Variants in ANKRD30B observed in about 807,000 individuals in gnomAD.
The protein encoded by ANKRD30B is ankyrin repeat domain 30B.
A neutral mutation model predicts 202.2 loss-of-function variants in ANKRD30B; 144 were observed. The observed-to-expected ratio is 0.71, with a 90% CI of 0.62 to 0.82. The LOEUF (loss-of-function observed/expected upper bound fraction) is 0.82. ANKRD30B is among the 40% of genes least tolerant of loss of function. The pLI is 0.00. For synonymous variants in ANKRD30B, 508 were observed against 561.3 expected, an observed-to-expected ratio of 0.91 and a Z score of 1.34; for missense variants, 1,487 against 1,669.1, an observed-to-expected ratio of 0.89 and a Z score of 1.90.
chr18:14,934,848 CA>C, the ANKRD30B span, among the ~76,000 whole-genome samples: 1 of 151,758 alleles, frequency 6.6e-6, no homozygotes, highest in Non-Finnish European at 1.5e-5. Flanking sequence ...CATGCGGCTG[CA>C]GGGGCTGCAG....
At position 14,807,170 on chromosome 18, in the gene ANKRD30B, C is replaced by T. The variant is rs546113302; in HGVS notation, c.2285-1381C>T. On this transcript the variant is annotated intron_variant, in intron 24 of 43. Coordinates refer to ENST00000690538, the MANE Select transcript of ANKRD30B (RefSeq NM_001367607.2). The stretch of plus-strand genomic sequence containing the variant: ...CAAAGGAAACAACATATATACTTGA[C>T]ATGTCTAAATATATTAAAGTGTGTC... 2.4e-3 allele frequency among the ~76,000 whole-genome samples: 359 copies of T among 150,848 alleles called. 21 individuals are homozygous for T. The highest frequency in any genetic ancestry group is 8.5e-3 in the East Asian group (44 of 5,158).
At chr18:14,761,052 A>G (rs780331391) in intron 6 of ANKRD30B, among the ~76,000 whole-genome samples, 7 of 152,194 alleles carry the variant, frequency 4.6e-5, no homozygotes, top group Admixed American at 6.6e-5. Context: ...ACTTTAATGA[A>G]TTAATATATT....
In ANKRD30B at chr18:14,804,586, T is replaced by G. The variant is rs200902903; in HGVS notation, c.2284+762T>G. On this transcript the variant is annotated intron_variant, in intron 24 of 43. Coordinates refer to ENST00000690538, the MANE Select transcript of ANKRD30B (RefSeq NM_001367607.2). ...TTGGACCTTGCTCTGAGTAGCAAGA[T>G]GAGAGACCTTTGTGGGAAAAAATGT... Among the ~76,000 whole-genome samples, 30 of 150,766 alleles carry G rather than the reference T, an allele frequency of 2.0e-4. 1 individual carries two copies. The East Asian group carries it at 5.1e-3, about 25-fold the overall frequency.
intron 26 of ANKRD30B, among the ~76,000 whole-genome samples, chr18:14,809,115 C>G (rs1443012676): frequency 7.2e-6 from 1 of 138,176 alleles, no homozygotes; most frequent in Admixed American, 7.5e-5. Context: ...CTAGATATAC[C>G]CGCATTTACT....
chr18:14,922,494 A>T, the ANKRD30B span, among the ~76,000 whole-genome samples: 1 of 152,046 alleles, frequency 6.6e-6, no homozygotes, highest in South Asian at 2.1e-4. Flanking sequence ...TCTCTACTAA[A>T]AATACAAAAA....
chr18:14,860,123 G>T, the ANKRD30B span, among the ~76,000 whole-genome samples: 1 of 148,142 alleles, frequency 6.8e-6, no homozygotes, highest in African/African-American at 2.5e-5. Flanking sequence ...AGATGGGGCG[G>T]CTGGGCAGAG....
intron 34 of ANKRD30B, among the ~76,000 whole-genome samples, chr18:14,831,738 A>C (rs1970951192): frequency 6.6e-6 from 1 of 152,210 alleles, no homozygotes; most frequent in African/African-American, 2.4e-5. Flanking sequence ...ACATAGTGAC[A>C]GGAACATTAT....
At chr18:14,791,884 AG>A (rs1342393476) in intron 16 of ANKRD30B, among the ~76,000 whole-genome samples, 2 of 152,210 alleles carry the variant, frequency 1.3e-5, no homozygotes, top group East Asian at 3.9e-4. Context: ...GGGCATGGTT[AG>A]AAATTTGGGA....
chr18:14,919,993 C>T, the ANKRD30B span, among the ~76,000 whole-genome samples: 62,348 of 152,024 alleles, frequency 0.41, 14,515 homozygotes, highest in East Asian at 0.58. Flanking sequence ...AACTGTGCCT[C>T]ATCCACAGGC....
chr18:14,834,600 A>G (rs535786476), intron 34 of ANKRD30B, among the ~76,000 whole-genome samples: 14 of 152,130 alleles, frequency 9.2e-5, no homozygotes, highest in African/African-American at 3.4e-4. Flanking sequence ...GATTTTAATA[A>G]AAAGCTGACA....
chr18:14,895,155 G>A, the ANKRD30B span, among the ~76,000 whole-genome samples: 1 of 147,814 alleles, frequency 6.8e-6, no homozygotes, highest in Non-Finnish European at 1.5e-5. Context: ...GTAGATGAGG[G>A]AAGGGTTGAA....
At chr18:14,841,829 G>C (rs2792543) in intron 37 of ANKRD30B, among the ~76,000 whole-genome samples, 3 of 152,146 alleles carry the variant, frequency 2.0e-5, no homozygotes, top group South Asian at 4.1e-4. Context: ...TACCGGAAGC[G>C]GGAGGATTAC....
At chr18:14,775,039 ATGGCATGAACC>A (rs1967267399) in intron 9 of ANKRD30B, among the ~76,000 whole-genome samples, 1 of 152,170 alleles carries the variant, frequency 6.6e-6, no homozygotes, top group Admixed American at 6.5e-5. Context: ...AGGCAGGAGA[ATGGCATGAACC>A]TGGGAGGTGG....
chr18:14,880,156 G>A, the ANKRD30B span, among the ~76,000 whole-genome samples: 2,032 of 152,102 alleles, frequency 0.013, 19 homozygotes, highest in African/African-American at 0.046. Flanking sequence ...CCCACTTTAC[G>A]TTTTTGTTTA....
chr18:14,848,834 T>C lies in ANKRD30B; in HGVS notation c.3300T>C (p.Phe1100=). 6.3e-6 allele frequency: 10 copies of C among 1,590,880 alleles called. No homozygotes were observed. The highest frequency in any genetic ancestry group is 7.7e-6 in the Non-Finnish European group (9 of 1,168,476). ...AAATGGAACAAACGAAAAATAAGTT[T>C]TGTGTACTACAAAAGGAACTGTCAG... ...TAKMEQTKNK[F]CVLQKELSEA... Residue 1100 remains phenylalanine, a synonymous_variant, in exon 40 of 44, where the codon TTT becomes TTC. Coordinates refer to ENST00000690538, the MANE Select transcript of ANKRD30B (RefSeq NM_001367607.2).
intron 4 of ANKRD30B, among the ~76,000 whole-genome samples, chr18:14,757,272 A>G (rs1254855699): frequency 6.6e-6 from 1 of 152,224 alleles, no homozygotes; most frequent in Non-Finnish European, 1.5e-5. Context: ...ATTACATAAT[A>G]CCGAGTATGA....
Position 14,748,286 on chromosome 18 carries a change from CG to C in ANKRD30B, c.-131del, listed in dbSNP as rs1912791388. On this transcript the variant is annotated 5_prime_UTR_variant, in exon 1 of 44. Transcript: ENST00000690538. Reference sequence around the variant, plus strand: ...ATTTCTGCTGGTGTTGGGGCGGGTGCGGGAACTGAAGACGGGCGAGTGCGAG... The same window carrying C: ...ATTTCTGCTGGTGTTGGGGCGGGTGCGGAACTGAAGACGGGCGAGTGCGAG... 1.6e-6 allele frequency: 1 copy of C among 642,604 alleles called. No individual in the cohort carries two copies. Among genetic ancestry groups the C allele is most frequent in the African/African-American group, 1.9e-5 (1 of 51,762 alleles). 39.8% of individuals were successfully genotyped at this position (642,604 alleles called of 1,614,324 possible).
intron 30 of ANKRD30B, among the ~76,000 whole-genome samples, chr18:14,815,295 A>G (rs1234489618): frequency 7.2e-6 from 1 of 138,358 alleles, no homozygotes; most frequent in African/African-American, 2.7e-5. Flanking sequence ...CCACACATGT[A>G]TATAATTTGT....
At chr18:14,881,619 T>C in the ANKRD30B span, among the ~76,000 whole-genome samples, 3 of 152,312 alleles carry the variant, frequency 2.0e-5, no homozygotes, top group East Asian at 5.8e-4. Flanking sequence ...GGAGGGTTTC[T>C]TCTTTCTCTG....
Sources: allele counts gnomAD v4.1 joint callset (sites outside exome capture counted in the v4.1 genomes callset), GRCh38; gene constraint gnomAD v4.1.1; transcripts MANE v1.5; gene names NCBI Gene and HGNC (gene_info 2026-07-23, HGNC 2026-07-21).